The following PDZRN3 variants were observed in gnomAD, a reference collection of about 807,000 sequenced individuals.
The protein encoded by PDZRN3 is E3 ubiquitin-protein ligase PDZRN3.
In PDZRN3, 38 loss-of-function variants were observed where a neutral mutation model predicts 85.7. The ratio of observed to expected loss-of-function variants is 0.44; its 90% CI spans 0.34 to 0.58. PDZRN3 has a LOEUF of 0.58. Among genes scored for constraint, PDZRN3 ranks in the 20% least tolerant of loss-of-function variants. The pLI, the probability that PDZRN3 is intolerant of heterozygous loss-of-function variation, is 0.01. For missense variants in PDZRN3, 1,629 were observed against 1,506.4 expected, an observed-to-expected ratio of 1.08 and a Z score of -1.35; for synonymous variants, 759 against 638.0, an observed-to-expected ratio of 1.19 and a Z score of -2.86.
At chr3:73,521,430 G>A (rs554945332) in intron 3 of PDZRN3, among the ~76,000 whole-genome samples, 3 of 152,200 alleles carry the variant, frequency 2.0e-5, no homozygotes, top group East Asian at 1.9e-4. Flanking sequence ...GGGCTCGCTC[G>A]CTGCTCTGAG....
chr3:73,477,846 A>T (rs1357802452), intron 3 of PDZRN3, among the ~76,000 whole-genome samples: 1 of 152,182 alleles, frequency 6.6e-6, no homozygotes, highest in African/African-American at 2.4e-5. Flanking sequence ...CGGAAAGTGA[A>T]TAAAGAGCAA....
intron 3 of PDZRN3, among the ~76,000 whole-genome samples, chr3:73,581,819 C>G (rs1196424295): frequency 7.0e-6 from 1 of 143,844 alleles, no homozygotes; most frequent in Non-Finnish European, 1.5e-5. Flanking sequence ...AAAAAAAAAG[C>G]TGAACATGGT....
At chr3:73,433,076 C>A (rs1298596296) in intron 3 of PDZRN3, among the ~76,000 whole-genome samples, 1 of 152,156 alleles carries the variant, frequency 6.6e-6, no homozygotes, top group Non-Finnish European at 1.5e-5. Context: ...TGACAGCACC[C>A]AAGATCAAGT....
chr3:73,394,636 G>C (rs1172047454), intron 5 of PDZRN3, among the ~76,000 whole-genome samples: 1 of 152,234 alleles, frequency 6.6e-6, no homozygotes, highest in Non-Finnish European at 1.5e-5. Flanking sequence ...ACTTGACGTG[G>C]ATGTGAGACA....
At chr3:73,468,279 A>G (rs1054956327) in intron 3 of PDZRN3, among the ~76,000 whole-genome samples, 1 of 152,146 alleles carries the variant, frequency 6.6e-6, no homozygotes, top group African/African-American at 2.4e-5. Flanking sequence ...GGAAAAGTCA[A>G]GGAAACAGAT....
intron 3 of PDZRN3, among the ~76,000 whole-genome samples, chr3:73,416,875 G>GT (rs1491373717): frequency 8.3e-4 from 34 of 40,728 alleles, no homozygotes; most frequent in Middle Eastern, 0.012. Context: ...GTTTTTTTTT[G>GT]GTTTTTTTTT....
At chr3:73,399,638 T>G (rs1024305273) in intron 5 of PDZRN3, among the ~76,000 whole-genome samples, 1 of 152,198 alleles carries the variant, frequency 6.6e-6, no homozygotes, top group Non-Finnish European at 1.5e-5. Context: ...GGCAGAATCC[T>G]GATTTTTGAA....
intron 3 of PDZRN3, among the ~76,000 whole-genome samples, chr3:73,559,357 C>A (rs143651819): frequency 6.6e-6 from 1 of 152,204 alleles, no homozygotes; most frequent in African/African-American, 2.4e-5. Context: ...GGCAACAAAA[C>A]CCCTCAATGA....
At chr3:73,622,557 G>A (rs1702884586) in intron 1 of PDZRN3, among the ~76,000 whole-genome samples, 1 of 152,194 alleles carries the variant, frequency 6.6e-6, no homozygotes, top group South Asian at 2.1e-4. Flanking sequence ...TGCCCCTCCA[G>A]AGGACACTTG....
At chr3:73,414,096 A>G (rs1702028954) in intron 3 of PDZRN3, among the ~76,000 whole-genome samples, 1 of 152,240 alleles carries the variant, frequency 6.6e-6, no homozygotes, top group African/African-American at 2.4e-5. Context: ...AAAATAGTAC[A>G]GTTAAGACAA....
intron 3 of PDZRN3, among the ~76,000 whole-genome samples, chr3:73,527,650 T>G (rs1211692951): frequency 6.6e-6 from 1 of 152,162 alleles, no homozygotes; most frequent in East Asian, 1.9e-4. Context: ...TAAAGTTGTT[T>G]CAGGGAAAGT....
intron 3 of PDZRN3, among the ~76,000 whole-genome samples, chr3:73,562,657 C>T (rs2106831951): frequency 6.6e-6 from 1 of 152,116 alleles, no homozygotes; most frequent in South Asian, 2.1e-4. Flanking sequence ...CTGAAGCTTA[C>T]ATAATTTGGG....
intron 3 of PDZRN3, among the ~76,000 whole-genome samples, chr3:73,585,072 T>C (rs1462673066): frequency 1.3e-5 from 2 of 152,222 alleles, no homozygotes; most frequent in African/African-American, 4.8e-5. Context: ...GGCTGGCATA[T>C]AAACACATAA....
Position 73,513,557 on chromosome 3 carries a change from T to C in PDZRN3, c.918+88797A>G, listed in dbSNP as rs1472511466. 3.3e-5 allele frequency among the ~76,000 whole-genome samples: 5 copies of C among 152,204 alleles called. No homozygotes were observed. In the East Asian group the frequency reaches 5.8e-4, roughly 18 times the overall value. ...AAGCAAACTTGTTAACATTCACTTG[T>C]TCCTAACTACAGCCACTGTTTTCTC... is the stretch of plus-strand genomic sequence containing the variant. On this transcript the variant is annotated intron_variant, in intron 3 of 9. Transcript: ENST00000263666.
At chr3:73,619,562 T>C (rs1010328314) in intron 1 of PDZRN3, among the ~76,000 whole-genome samples, 5 of 152,160 alleles carry the variant, frequency 3.3e-5, no homozygotes, top group African/African-American at 1.2e-4. Flanking sequence ...AGTGGAAATT[T>C]TGCAGGTTAT....
intron 3 of PDZRN3, among the ~76,000 whole-genome samples, chr3:73,410,473 T>C (rs1167533039): frequency 6.6e-6 from 1 of 152,238 alleles, no homozygotes; most frequent in Non-Finnish European, 1.5e-5. Context: ...AGTTTGTCCA[T>C]GGTATTTTCT....
At chr3:73,579,195 T>C (rs1410283177) in intron 3 of PDZRN3, among the ~76,000 whole-genome samples, 2 of 152,080 alleles carry the variant, frequency 1.3e-5, no homozygotes, top group African/African-American at 4.8e-5. Context: ...CCTTTCACCA[T>C]GTGAGGAGAA....
At chr3:73,388,576 A>G (rs371816290) in intron 7 of PDZRN3, among the ~76,000 whole-genome samples, 6 of 152,266 alleles carry the variant, frequency 3.9e-5, no homozygotes, top group African/African-American at 7.2e-5. Flanking sequence ...CACTCTCACT[A>G]TCACACTTGA....
chr3:73,546,618 T>C (rs1701429245), intron 3 of PDZRN3, among the ~76,000 whole-genome samples: 1 of 152,244 alleles, frequency 6.6e-6, no homozygotes, highest in Non-Finnish European at 1.5e-5. Context: ...CTGCAATACG[T>C]AATTCAGATG....
Sources: allele counts gnomAD v4.1 joint callset (sites outside exome capture counted in the v4.1 genomes callset), GRCh38; gene constraint gnomAD v4.1.1; transcripts MANE v1.5; gene names NCBI Gene and HGNC (gene_info 2026-07-23, HGNC 2026-07-21).